Variants in HRK observed in about 807,000 individuals in gnomAD.
HRK encodes harakiri, BCL2 interacting protein, also known as activator of apoptosis harakiri.
Under a neutral mutation model 5.9 loss-of-function variants are expected in HRK, and 6 were observed. The ratio of observed to expected loss-of-function variants is 1.02; its 90% CI spans 0.56 to 2.01. The LOEUF is 2.01. Among genes scored for constraint, HRK ranks in the 30% most tolerant of loss-of-function variants. The probability of loss-of-function intolerance (pLI) is 0.00; values close to 1 mark genes in which losing one functional copy is unlikely to be tolerated. For synonymous variants in HRK, 85 were observed against 65.1 expected (o/e 1.31, Z -1.47); for missense variants, 133 against 128.3 (o/e 1.04, Z -0.18).
In HRK at chr12:116,860,478, C is replaced by T. The variant is rs2137241536; in HGVS notation, c.*1045G>A. The T allele has an allele frequency of 6.6e-6, 1 of 152,220 alleles. No homozygotes were observed. Among genetic ancestry groups the T allele is most frequent in the Admixed American group, 6.5e-5 (1 of 15,276 alleles). The allele number at this position is 152,220 out of a possible 1,614,324, so 9.4% of individuals were successfully genotyped here. On this transcript the variant is annotated 3_prime_UTR_variant, in exon 2 of 2. Coordinates refer to ENST00000257572, the MANE Select transcript of HRK (RefSeq NM_003806.4). ...CCATAAAACCTAAACCCTGAAATCC[C>T]CTTGGGGAGTGGAGGAGGCTGTGGG...
Position 116,881,332 on chromosome 12 carries a change from G to C in HRK, c.-25C>G. Reference sequence around the variant, plus strand: ...TGACCGCTGGCCTCGCTCCCGCCCCGCGCTCGGGCCGCCCCTCGCCTCCTC... The same window carrying C: ...TGACCGCTGGCCTCGCTCCCGCCCCCCGCTCGGGCCGCCCCTCGCCTCCTC... On this transcript the variant is annotated 5_prime_UTR_variant, in exon 1 of 2. Coordinates refer to ENST00000257572, the MANE Select transcript of HRK (RefSeq NM_003806.4). 1 of 1,063,078 alleles carries C rather than the reference G, an allele frequency of 9.4e-7. No individual in the cohort carries two copies. Among genetic ancestry groups the C allele is most frequent in the Non-Finnish European group, 1.1e-6 (1 of 881,536 alleles). 65.9% of individuals were successfully genotyped at this position (1,063,078 alleles called of 1,614,324 possible). A position where few individuals can be genotyped will look rare whatever the true frequency, so the allele number is the denominator to read the frequency against.
chr12:116,864,819 C>CAGT (rs1232728744), intron 1 of HRK, among the ~76,000 whole-genome samples: 3 of 152,038 alleles, frequency 2.0e-5, no homozygotes, highest in African/African-American at 7.2e-5. Flanking sequence ...TTCCAAGCAG[C>CAGT]AGTAGTAATC....
intron 1 of HRK, among the ~76,000 whole-genome samples, chr12:116,872,530 C>T (rs925000124): frequency 6.6e-6 from 1 of 152,216 alleles, no homozygotes; most frequent in East Asian, 1.9e-4. Flanking sequence ...ATAATCCCAA[C>T]ACTTTGGAAA....
At chr12:116,872,260 C>G (rs1414906278) in intron 1 of HRK, among the ~76,000 whole-genome samples, 1 of 151,966 alleles carries the variant, frequency 6.6e-6, no homozygotes, top group South Asian at 2.1e-4. Context: ...ATCCCAGCTA[C>G]TCGGGAGGCT....
intron 1 of HRK, among the ~76,000 whole-genome samples, chr12:116,872,836 CGGAAGGAA>C (rs952414224): frequency 8.6e-6 from 1 of 116,496 alleles, no homozygotes; most frequent in African/African-American, 3.3e-5. Context: ...GAAGGAGGGA[CGGAAGGAA>C]GGAAGGAAGA....
rs1878275931 is a variant in HRK, at chr12:116,859,423, C to A, written c.*2100G>T. The A allele has an allele frequency of 6.6e-6, 1 of 152,114 alleles. No individual in the cohort carries two copies. Among genetic ancestry groups the A allele is most frequent in the Non-Finnish European group, 1.5e-5 (1 of 68,028 alleles). The allele number at this position is 152,114 out of a possible 1,614,324, so 9.4% of individuals were successfully genotyped here. A position where few individuals can be genotyped will look rare whatever the true frequency, so the allele number is the denominator to read the frequency against. Reference sequence around the variant, plus strand: ...GAAAATGGGGGGAGCTGGAAAGACCCTAGTCTGTGGCTAAGAAAGTGATTA... The same window carrying A: ...GAAAATGGGGGGAGCTGGAAAGACCATAGTCTGTGGCTAAGAAAGTGATTA... On this transcript the variant is annotated 3_prime_UTR_variant, in exon 2 of 2. Transcript: ENST00000257572.
At chr12:116,873,320 A>G (rs982300108) in intron 1 of HRK, among the ~76,000 whole-genome samples, 25 of 151,510 alleles carry the variant, frequency 1.7e-4, no homozygotes, top group Non-Finnish European at 2.1e-4. Flanking sequence ...TTTATTCAGC[A>G]TTTTCCAAAT....
rs1420023557 is a variant in HRK, at chr12:116,879,215, G to C, written c.*56+1761C>G. On this transcript the variant is annotated intron_variant, in intron 1 of 1. Transcript: ENST00000257572. The surrounding 1 kb of genome is among the most constrained non-coding windows in gnomAD (Gnocchi z 5.6). ...GGACGACAGAACCAGAGAAAGCCGT[G>C]TCCCAGCCCTCTCTCCACAGTTCTA... 6.6e-6 allele frequency: 1 copy of C among 152,278 alleles called. No individual in the cohort carries two copies. The highest frequency in any genetic ancestry group is 1.5e-5 in the Non-Finnish European group (1 of 68,072). The allele number at this position is 152,278 out of a possible 1,614,324, so 9.4% of individuals were successfully genotyped here. A position where few individuals can be genotyped will look rare whatever the true frequency, so the allele number is the denominator to read the frequency against.
In HRK at chr12:116,862,113, A is replaced by T. The variant is rs1382652655; in HGVS notation, c.*57-647T>A. Among the ~76,000 whole-genome samples the T allele has an allele frequency of 1.3e-5, 2 of 152,190 alleles. No individual in the cohort carries two copies. The highest frequency in any genetic ancestry group is 2.9e-5 in the Non-Finnish European group (2 of 68,042). On this transcript the variant is annotated intron_variant, in intron 1 of 1. Coordinates refer to ENST00000257572, the MANE Select transcript of HRK (RefSeq NM_003806.4). This position sits in a 1 kb window ranked among gnomAD's most constrained non-coding sequence, Gnocchi z 4.0. The stretch of plus-strand genomic sequence containing the variant: ...CCAGGGGAGGCAGCTCATAAGGGAG[A>T]CAAAGCAGACTCCTCAGAGAGAGTG...
rs1002172439 is a variant in HRK at position 116,878,557 on chromosome 12, A to G, written c.*56+2419T>C. ...GGTCAGATGTAGGCTGCAGGGAGAGAACTTGATCAGGGCCAGTGCAGGGAG... is the reference window on the plus strand; with the variant it reads ...GGTCAGATGTAGGCTGCAGGGAGAGGACTTGATCAGGGCCAGTGCAGGGAG... On this transcript the variant is annotated intron_variant, in intron 1 of 1. Coordinates refer to ENST00000257572, the MANE Select transcript of HRK (RefSeq NM_003806.4). The surrounding 1 kb of genome is among the most constrained non-coding windows in gnomAD (Gnocchi z 4.4). The G allele has an allele frequency of 1.3e-5, 2 of 152,324 alleles. No homozygotes were observed. The highest frequency in any genetic ancestry group is 3.8e-4 in the East Asian group (2 of 5,202). The allele number at this position is 152,324 out of a possible 1,614,324, so 9.4% of individuals were successfully genotyped here.
In HRK at chr12:116,878,802, T is replaced by A. The variant is rs905243608; in HGVS notation, c.*56+2174A>T. Among the ~76,000 whole-genome samples, 2 of 151,744 alleles carry A rather than the reference T, an allele frequency of 1.3e-5. No individual in the cohort carries two copies. The highest frequency in any genetic ancestry group is 1.3e-4 in the Admixed American group (2 of 15,240). ...AGAACCCAGAGGTGTGGGAAGAGGG[T>A]GTCTCCGAGTCAGGGCGCAGCACGG... On this transcript the variant is annotated intron_variant, in intron 1 of 1. Coordinates refer to ENST00000257572, the MANE Select transcript of HRK (RefSeq NM_003806.4). This position sits in a 1 kb window ranked among gnomAD's most constrained non-coding sequence, Gnocchi z 4.4.
intron 1 of HRK, chr12:116,876,852 G>A (rs1878949592): frequency 6.6e-6 from 1 of 152,316 alleles, no homozygotes; most frequent in Non-Finnish European, 1.5e-5. Flanking sequence ...CACCAACCCG[G>A]TCTGCTTACT....
At position 116,865,359 on chromosome 12, in the gene HRK, T is replaced by C. The variant is rs542868854; in HGVS notation, c.*57-3893A>G. Among the ~76,000 whole-genome samples the C allele has an allele frequency of 3.9e-5, 6 of 152,116 alleles. No homozygotes were observed. In the East Asian group the frequency reaches 9.7e-4, roughly 25 times the overall value. On this transcript the variant is annotated intron_variant, in intron 1 of 1. Transcript: ENST00000257572. ...CTGGGCAACATGGCAAAACCTCATC[T>C]CTACTAAACATACAAAAATTAGCCA... is the stretch of plus-strand genomic sequence containing the variant.
chr12:116,871,982 GTAATTGTAGCTCAC>G (rs1047735729), intron 1 of HRK, among the ~76,000 whole-genome samples: 7 of 151,720 alleles, frequency 4.6e-5, no homozygotes, highest in Admixed American at 1.3e-4. Context: ...GTACAGTGGT[GTAATTGTAGCTCAC>G]TACAACTTCG....
chr12:116,880,941 G>A lies in HRK; in HGVS notation c.*56+35C>T, dbSNP rs534889360. 600 of 1,029,444 alleles carry A rather than the reference G, an allele frequency of 5.8e-4. 16 individuals carry two copies. The Admixed American group carries it at 0.024, about 41-fold the overall frequency. 63.8% of individuals were successfully genotyped at this position (1,029,444 alleles called of 1,614,324 possible). On this transcript the variant is annotated intron_variant, in intron 1 of 1. Coordinates refer to ENST00000257572, the MANE Select transcript of HRK (RefSeq NM_003806.4). ...AGCCCAGCGTCTCCAGTGCCCAGCTGCCGCGCCCCGGCTCTCGCTCGCTCG... is the reference window on the plus strand; with the variant it reads ...AGCCCAGCGTCTCCAGTGCCCAGCTACCGCGCCCCGGCTCTCGCTCGCTCG...
chr12:116,868,247 C>T (rs78251153), intron 1 of HRK, among the ~76,000 whole-genome samples: 1 of 109,798 alleles, frequency 9.1e-6, no homozygotes, highest in African/African-American at 4.2e-5. Flanking sequence ...CATGCCACCA[C>T]GCCTGGCTAA....
In HRK at chr12:116,878,792, GGGA is replaced by G. The variant is rs1178667849; in HGVS notation, c.*56+2181_*56+2183del. On this transcript the variant is annotated intron_variant, in intron 1 of 1. Transcript: ENST00000257572. This position sits in a 1 kb window ranked among gnomAD's most constrained non-coding sequence, Gnocchi z 4.4. ...AGGTAGGAGAAGAACCCAGAGGTGT[GGGA>G]AGAGGGTGTCTCCGAGTCAGGGCGC... Among the ~76,000 whole-genome samples the G allele has an allele frequency of 6.6e-6, 1 of 152,202 alleles. No homozygotes were observed. Among genetic ancestry groups the G allele is most frequent in the Non-Finnish European group, 1.5e-5 (1 of 68,018 alleles).
Position 116,858,225 on chromosome 12 carries a change from A to C in HRK, c.*3298T>G, listed in dbSNP as rs1332785481. On this transcript the variant is annotated 3_prime_UTR_variant, in exon 2 of 2. Transcript: ENST00000257572. ...CAAAACAGGAACTGGGGTCTAGGAC[A>C]TGCGCACGGCCTAGGACCATGGACA... The C allele has an allele frequency of 6.6e-6, 1 of 151,548 alleles. No individual in the cohort carries two copies. Among genetic ancestry groups the C allele is most frequent in the Non-Finnish European group, 1.5e-5 (1 of 67,962 alleles). The allele number at this position is 151,548 out of a possible 1,614,324, so 9.4% of individuals were successfully genotyped here.
chr12:116,866,495 T>A (rs1307838718), intron 1 of HRK, among the ~76,000 whole-genome samples: 1 of 151,948 alleles, frequency 6.6e-6, no homozygotes, highest in Admixed American at 6.6e-5. Context: ...TCCATCTGTA[T>A]AGTTCATGTC....
Sources: allele counts gnomAD v4.1 joint callset (sites outside exome capture counted in the v4.1 genomes callset), GRCh38; gene constraint gnomAD v4.1.1; non-coding constraint Gnocchi (gnomAD v3.1); transcripts MANE v1.5; gene names NCBI Gene and HGNC (gene_info 2026-07-23, HGNC 2026-07-21).